TNKS: variants seen among roughly 807,000 people sequenced by gnomAD.
TNKS encodes the protein poly [ADP-ribose] polymerase tankyrase-1.
In TNKS, 72 loss-of-function variants were observed where a neutral mutation model predicts 135.8. The ratio of observed to expected loss-of-function variants is 0.53; its 90% CI spans 0.44 to 0.64. TNKS has a LOEUF of 0.64. Among genes scored for constraint, TNKS ranks in the 30% least tolerant of loss-of-function variants. The pLI is 0.00. For synonymous variants in TNKS, 849 were observed against 649.3 expected, an observed-to-expected ratio of 1.31 and a Z score of -4.68; for missense variants, 1,769 against 1,674.0, an observed-to-expected ratio of 1.06 and a Z score of -0.99.
chr8:9,657,337 C>T (rs1202032494), intron 3 of TNKS, among the ~76,000 whole-genome samples: 32 of 83,688 alleles, frequency 3.8e-4, no homozygotes, highest in African/African-American at 1.3e-3. Flanking sequence ...GGCGGCTGGC[C>T]GGGCAGAGGG....
intron 2 of TNKS, among the ~76,000 whole-genome samples, chr8:9,611,217 A>G (rs1032617737): frequency 1.3e-5 from 2 of 152,234 alleles, no homozygotes; most frequent in South Asian, 4.1e-4. Context: ...ATTAGAAATC[A>G]CTTACTCTCT....
intron 17 of TNKS, among the ~76,000 whole-genome samples, chr8:9,746,576 G>A (rs1806246472): frequency 6.6e-6 from 1 of 152,064 alleles, no homozygotes; most frequent in Admixed American, 6.5e-5. Context: ...TATCCACCTT[G>A]TAATTATCTT....
At chr8:9,563,608 C>G (rs1351926990) in intron 1 of TNKS, among the ~76,000 whole-genome samples, 3 of 152,014 alleles carry the variant, frequency 2.0e-5, no homozygotes, top group African/African-American at 7.2e-5. Context: ...TGTGTTCTTT[C>G]TTTTGTAGTC....
intron 3 of TNKS, among the ~76,000 whole-genome samples, chr8:9,660,808 C>T (rs1801669587): frequency 6.6e-6 from 1 of 152,166 alleles, no homozygotes; most frequent in East Asian, 1.9e-4. Context: ...TCCCTGTTTG[C>T]AGATGACATG....
At chr8:9,689,400 T>C (rs1468778502) in intron 5 of TNKS, among the ~76,000 whole-genome samples, 2 of 152,214 alleles carry the variant, frequency 1.3e-5, no homozygotes, top group African/African-American at 4.8e-5. Context: ...GTAAATACTA[T>C]GCATAATCAC....
chr8:9,607,316 A>G lies in TNKS; in HGVS notation c.899-8266A>G, dbSNP rs558768851. ...GCAGGATTCTCTTTTCTGCTTGTGT[A>G]TGCAGTCTTTTCTGATAGGCTTTTT... On this transcript the variant is annotated intron_variant, in intron 2 of 26. Transcript: ENST00000310430. Among the ~76,000 whole-genome samples the G allele has an allele frequency of 2.0e-5, 3 of 152,300 alleles. No homozygotes were observed. The South Asian group carries it at 6.2e-4, about 32-fold the overall frequency.
At chr8:9,725,718 G>C (rs1311080295) in intron 12 of TNKS, among the ~76,000 whole-genome samples, 7 of 152,176 alleles carry the variant, frequency 4.6e-5, no homozygotes, top group Admixed American at 3.3e-4. Flanking sequence ...CCATCCTTTT[G>C]TGTTAACATA....
chr8:9,636,138 C>T (rs1800502630), intron 3 of TNKS, among the ~76,000 whole-genome samples: 1 of 152,188 alleles, frequency 6.6e-6, no homozygotes, highest in African/African-American at 2.4e-5. Context: ...TTGGTTGTTA[C>T]ATATACCTAT....
intron 1 of TNKS, chr8:9,558,235 A>T (rs1393997461): frequency 6.6e-6 from 1 of 152,154 alleles, no homozygotes; most frequent in African/African-American, 2.4e-5. Flanking sequence ...ATGGGTCGTG[A>T]CCAGTGGTAT....
chr8:9,717,508 G>A (rs1442258243), intron 11 of TNKS, among the ~76,000 whole-genome samples: 1 of 151,972 alleles, frequency 6.6e-6, no homozygotes, highest in East Asian at 1.9e-4. Flanking sequence ...ATGCATTTTG[G>A]TTAGATAGCG....
chr8:9,707,001 C>G lies in TNKS; in HGVS notation c.1456+4C>G. The G allele has an allele frequency of 6.4e-7, 1 of 1,564,076 alleles. No individual in the cohort carries two copies. The highest frequency in any genetic ancestry group is 1.2e-5 in the South Asian group (1 of 84,336). Reference sequence around the variant, plus strand: ...GAGCTTAGGGAGAGATTGACTTGTACGTATTTATATCCCGAAATCATTATC... The same window carrying G: ...GAGCTTAGGGAGAGATTGACTTGTAGGTATTTATATCCCGAAATCATTATC... On this transcript the variant is annotated splice_donor_region_variant and intron_variant, in intron 8 of 26. Coordinates refer to ENST00000310430, the MANE Select transcript of TNKS (RefSeq NM_003747.3).
In TNKS at chr8:9,621,762, A is replaced by G. The variant is rs148339011; in HGVS notation, c.994+6085A>G. On this transcript the variant is annotated intron_variant, in intron 3 of 26. Coordinates refer to ENST00000310430, the MANE Select transcript of TNKS (RefSeq NM_003747.3). ...TAAAGAATTACTTATCAGTTATTAGAAAGTCTAATTATACAGACTGCATCC... is the reference window on the plus strand; with the variant it reads ...TAAAGAATTACTTATCAGTTATTAGGAAGTCTAATTATACAGACTGCATCC... 3.3e-3 allele frequency among the ~76,000 whole-genome samples: 500 copies of G among 152,282 alleles called. 3 individuals carry two copies. The highest frequency in any genetic ancestry group is 0.011 in the African/African-American group (463 of 41,540).
intron 5 of TNKS, among the ~76,000 whole-genome samples, chr8:9,696,903 T>G (rs1803539557): frequency 1.3e-5 from 2 of 152,190 alleles, no homozygotes; most frequent in Non-Finnish European, 2.9e-5. Flanking sequence ...TTCAGTGCTA[T>G]TCCTATCCAA....
intron 2 of TNKS, among the ~76,000 whole-genome samples, chr8:9,592,362 G>T (rs1297605190): frequency 6.6e-6 from 1 of 152,070 alleles, no homozygotes; most frequent in South Asian, 2.1e-4. Context: ...CATCTTACTG[G>T]CTTTAGTAGA....
At chr8:9,654,333 C>T (rs1299558608) in intron 3 of TNKS, among the ~76,000 whole-genome samples, 1 of 151,952 alleles carries the variant, frequency 6.6e-6, no homozygotes, top group Non-Finnish European at 1.5e-5. Context: ...TTATTCTTAA[C>T]CTACTAGTAC....
Position 9,583,210 on chromosome 8 carries a change from G to A in TNKS, c.898+2827G>A, listed in dbSNP as rs550348038. The stretch of plus-strand genomic sequence containing the variant: ...GTCCATTTAGAAATCTTGAACCCAT[G>A]TGTTTCTTTCATAGATGCTATTTAC... On this transcript the variant is annotated intron_variant, in intron 2 of 26. Coordinates refer to ENST00000310430, the MANE Select transcript of TNKS (RefSeq NM_003747.3). Among the ~76,000 whole-genome samples the A allele has an allele frequency of 5.4e-5, 8 of 149,216 alleles. 1 individual carries two copies. In the South Asian group the frequency reaches 1.5e-3, roughly 28 times the overall value.
chr8:9,680,829 A>C, intron 5 of TNKS, 29 bp downstream of exon 5: 1 of 1,577,520 alleles, frequency 6.3e-7, no homozygotes, highest in Non-Finnish European at 8.7e-7. Flanking sequence ...AATCCTCTTT[A>C]ATTGCAATGC....
At chr8:9,713,642 T>A (rs12114322) in intron 11 of TNKS, among the ~76,000 whole-genome samples, 29 of 152,308 alleles carry the variant, frequency 1.9e-4, no homozygotes, top group African/African-American at 7.0e-4. Flanking sequence ...TAGTAGGCAC[T>A]TAAAAAAGAG....
In TNKS at chr8:9,563,392, C is replaced by G. The variant is rs13272099; in HGVS notation, c.673+6780C>G. Among the ~76,000 whole-genome samples the G allele has an allele frequency of 4.0e-3, 605 of 152,008 alleles. 2 individuals are homozygous for G. Among genetic ancestry groups the G allele is most frequent in the Non-Finnish European group, 6.1e-3 (412 of 67,944 alleles). ...ATGGCCAGATAGTAAATATTTTAGGCTTTGTAGCCATATGGTCCCTCTCAT... is the reference window on the plus strand; with the variant it reads ...ATGGCCAGATAGTAAATATTTTAGGGTTTGTAGCCATATGGTCCCTCTCAT... On this transcript the variant is annotated intron_variant, in intron 1 of 26. Transcript: ENST00000310430.
Sources: allele counts gnomAD v4.1 joint callset (sites outside exome capture counted in the v4.1 genomes callset), GRCh38; gene constraint gnomAD v4.1.1; transcripts MANE v1.5; gene names NCBI Gene and HGNC (gene_info 2026-07-23, HGNC 2026-07-21).